Variants in PCSK6 observed in about 807,000 individuals in gnomAD.
PCSK6 encodes proprotein convertase subtilisin/kexin type 6.
In PCSK6, 85 loss-of-function variants were observed where a neutral mutation model predicts 123.3. The observed-to-expected ratio is 0.69, with a 90% confidence interval of 0.58 to 0.83. The LOEUF (loss-of-function observed/expected upper bound fraction) is 0.83, where lower values mean the gene tolerates loss of function less well. PCSK6 is among the 40% of genes least tolerant of loss of function. The probability of loss-of-function intolerance (pLI) is 0.00; values close to 1 mark genes in which losing one functional copy is unlikely to be tolerated. For synonymous variants in PCSK6, 508 were observed against 516.0 expected (o/e 0.98, Z 0.21); for missense variants, 1,191 against 1,282.3 (o/e 0.93, Z 1.09).
At chr15:101,392,593 C>CT (rs10525638) in intron 8 of PCSK6, among the ~76,000 whole-genome samples, 12,343 of 122,332 alleles carry the variant, frequency 0.1, 784 homozygotes, top group Middle Eastern at 0.17. Flanking sequence ...CTCCCTTCCT[C>CT]TTTTTTTTTT....
intron 1 of PCSK6, among the ~76,000 whole-genome samples, chr15:101,464,119 G>A (rs1301869863): frequency 6.6e-6 from 1 of 152,132 alleles, no homozygotes. Context: ...CACGTAGGAG[G>A]AAACAGGCCT....
intron 9 of PCSK6, among the ~76,000 whole-genome samples, chr15:101,386,628 A>C (rs892546736): frequency 6.6e-6 from 1 of 152,218 alleles, no homozygotes; most frequent in African/African-American, 2.4e-5. Flanking sequence ...TATTTCCCTT[A>C]GCACAACGTC....
At chr15:101,358,305 A>T (rs1183048144) in intron 13 of PCSK6, among the ~76,000 whole-genome samples, 1 of 150,166 alleles carries the variant, frequency 6.7e-6, no homozygotes, top group Non-Finnish European at 1.5e-5. Flanking sequence ...CTACTAAGAT[A>T]AAAAAAAACA....
At chr15:101,345,118 G>A (rs1596207656) in intron 13 of PCSK6, among the ~76,000 whole-genome samples, 1 of 152,110 alleles carries the variant, frequency 6.6e-6, no homozygotes, top group East Asian at 1.9e-4. Context: ...GTGTTATGTG[G>A]TCTGCTAGGT....
chr15:101,358,933 C>T (rs1279602768), intron 13 of PCSK6, among the ~76,000 whole-genome samples: 1 of 152,188 alleles, frequency 6.6e-6, no homozygotes, highest in African/African-American at 2.4e-5. Flanking sequence ...CATGTGAGGG[C>T]CACATGGATT....
intron 2 of PCSK6, among the ~76,000 whole-genome samples, chr15:101,435,239 CCTCACAGGTTGCAG>C (rs1199951625): frequency 7.9e-5 from 12 of 151,980 alleles, no homozygotes; most frequent in Non-Finnish European, 1.3e-4. Flanking sequence ...TGGAAGCAAC[CCTCACAGGTTGCAG>C]TGAGCAGAGA....
intron 13 of PCSK6, among the ~76,000 whole-genome samples, chr15:101,344,153 C>T (rs959252072): frequency 4.6e-5 from 7 of 152,014 alleles, no homozygotes; most frequent in African/African-American, 1.4e-4. Flanking sequence ...GTCCATTTGA[C>T]CTAAATTGTC....
intron 1 of PCSK6, among the ~76,000 whole-genome samples, chr15:101,481,099 G>T (rs35273664): frequency 9.9e-5 from 15 of 152,226 alleles, no homozygotes; most frequent in Middle Eastern, 3.4e-3. Context: ...GGCAGAATCG[G>T]AACTAACCTT....
intron 9 of PCSK6, 137 bp from the exon 10 acceptor site, chr15:101,384,562 G>A: frequency 9.0e-6 from 5 of 557,504 alleles, no homozygotes; most frequent in Non-Finnish European, 9.2e-6. Context: ...TGCATTCCTT[G>A]GCAAGGGTTT....
chr15:101,448,510 C>T lies in PCSK6; in HGVS notation c.298-4850G>A, dbSNP rs1439269715. Among the ~76,000 whole-genome samples the T allele has an allele frequency of 3.3e-5, 5 of 152,346 alleles. No homozygotes were observed. In the East Asian group the frequency reaches 7.7e-4, roughly 23 times the overall value. On this transcript the variant is annotated intron_variant, in intron 1 of 21. Transcript: ENST00000611716. ...CCCAGCCAGGGATCCTCACTATTAC[C>T]GAGTGCCCCTGGCTCATTACAACAG...
At chr15:101,330,443 C>G (rs1018521145) in intron 15 of PCSK6, among the ~76,000 whole-genome samples, 1 of 152,262 alleles carries the variant, frequency 6.6e-6, no homozygotes, top group Non-Finnish European at 1.5e-5. Context: ...TCCACCTGAC[C>G]TTGCATTGGA....
At chr15:101,455,295 C>G (rs566322191) in intron 1 of PCSK6, among the ~76,000 whole-genome samples, 1 of 152,298 alleles carries the variant, frequency 6.6e-6, no homozygotes, top group Admixed American at 6.5e-5. Flanking sequence ...CATAGCCGAC[C>G]CCAAGGCACA....
At chr15:101,331,619 G>A (rs2040372283) in intron 15 of PCSK6, 32 bp downstream of exon 15, 1 of 1,606,814 alleles carries the variant, frequency 6.2e-7, no homozygotes, top group African/African-American at 1.3e-5. Flanking sequence ...TGGGAAGGTT[G>A]GAAAATACTT....
intron 11 of PCSK6, among the ~76,000 whole-genome samples, chr15:101,379,087 C>G (rs1462914730): frequency 6.6e-6 from 1 of 152,236 alleles, no homozygotes; most frequent in Non-Finnish European, 1.5e-5. Flanking sequence ...GGCACCAGCT[C>G]TGTGCAGTCA....
intron 9 of PCSK6, among the ~76,000 whole-genome samples, chr15:101,386,123 G>A (rs1199380973): frequency 3.3e-5 from 5 of 151,930 alleles, no homozygotes; most frequent in African/African-American, 4.8e-5. Context: ...AACGCACACC[G>A]TGCTCTCGGT....
chr15:101,409,128 C>T (rs1194979376), intron 6 of PCSK6, among the ~76,000 whole-genome samples: 3 of 152,234 alleles, frequency 2.0e-5, no homozygotes, highest in Non-Finnish European at 4.4e-5. Flanking sequence ...CCAGACCAGC[C>T]TCAGGGATCC....
In PCSK6 at chr15:101,464,538, C is replaced by T. The variant is rs140214183; in HGVS notation, c.298-20878G>A. 2.3e-3 allele frequency among the ~76,000 whole-genome samples: 354 copies of T among 152,282 alleles called. 1 individual carries two copies. Among genetic ancestry groups the T allele is most frequent in the African/African-American group, 7.7e-3 (320 of 41,552 alleles). On this transcript the variant is annotated intron_variant, in intron 1 of 21. Coordinates refer to ENST00000611716, the MANE Select transcript of PCSK6 (RefSeq NM_002570.5). ...AGAGCTGTGGTTCTCCAGCCCCAGACGGTTTATTAAAGCCAGATTGTTGGG... is the reference window on the plus strand; with the variant it reads ...AGAGCTGTGGTTCTCCAGCCCCAGATGGTTTATTAAAGCCAGATTGTTGGG...
chr15:101,353,400 C>G (rs539341284), intron 13 of PCSK6, among the ~76,000 whole-genome samples: 1 of 152,090 alleles, frequency 6.6e-6, no homozygotes, highest in Admixed American at 6.5e-5. Context: ...GTTTGCTGGC[C>G]GCTCACCTCC....
intron 1 of PCSK6, among the ~76,000 whole-genome samples, chr15:101,447,782 C>T (rs563311420): frequency 3.9e-5 from 6 of 152,254 alleles, no homozygotes; most frequent in East Asian, 1.9e-4. Context: ...CCACACCAGG[C>T]GCTGGCTCTG....
Sources: gnomAD v4.1 joint callset for allele counts (sites outside exome capture counted in the v4.1 genomes callset) on GRCh38, gnomAD v4.1.1 for gene constraint, MANE v1.5 for transcripts, NCBI Gene and HGNC (gene_info 2026-07-23, HGNC 2026-07-21) for gene names.